CCDC85A: variants seen among roughly 807,000 people sequenced by gnomAD.
CCDC85A encodes the protein coiled-coil domain-containing protein 85A.
In CCDC85A, 38 loss-of-function variants were observed where a neutral mutation model predicts 50.2. The ratio of observed to expected loss-of-function variants is 0.76; its 90% CI spans 0.58 to 0.99. CCDC85A has a LOEUF of 0.99. Ranked by LOEUF, CCDC85A falls within the 50% of genes least tolerant of loss-of-function variation. CCDC85A has a pLI of 0.00. For missense variants in CCDC85A, 820 were observed against 742.0 expected (o/e 1.11, Z -1.22); for synonymous variants, 366 against 301.4 (o/e 1.21, Z -2.22).
chr2:56,305,744 C>G (rs1672414862), intron 2 of CCDC85A, among the ~76,000 whole-genome samples: 1 of 152,178 alleles, frequency 6.6e-6, no homozygotes, highest in Non-Finnish European at 1.5e-5. Context: ...GGTTTATATG[C>G]TTAAAATTCA....
chr2:56,312,779 A>C lies in CCDC85A; in HGVS notation c.1241-30100A>C, dbSNP rs558072411. 2.0e-4 allele frequency among the ~76,000 whole-genome samples: 30 copies of C among 152,254 alleles called. No homozygotes were observed. The South Asian group carries it at 5.6e-3, about 28-fold the overall frequency. On this transcript the variant is annotated intron_variant, in intron 2 of 5. Transcript: ENST00000407595. ...AGCACTTTCATTTTAACATTCGTTTATTTGGTAGTTATTCAGCACCTATTA... is the reference window on the plus strand; with the variant it reads ...AGCACTTTCATTTTAACATTCGTTTCTTTGGTAGTTATTCAGCACCTATTA...
At chr2:56,220,931 C>T (rs1489086775) in intron 2 of CCDC85A, among the ~76,000 whole-genome samples, 1 of 152,002 alleles carries the variant, frequency 6.6e-6, no homozygotes, top group Non-Finnish European at 1.5e-5. Context: ...CTTAAATGGT[C>T]TCTCCATTTG....
At chr2:56,208,574 T>C (rs968131134) in intron 2 of CCDC85A, among the ~76,000 whole-genome samples, 11 of 152,124 alleles carry the variant, frequency 7.2e-5, no homozygotes, top group Non-Finnish European at 1.2e-4. Context: ...GGATAATTTA[T>C]TGGGCACATG....
chr2:56,267,609 G>T (rs988727093), intron 2 of CCDC85A, among the ~76,000 whole-genome samples: 1 of 152,146 alleles, frequency 6.6e-6, no homozygotes, highest in African/African-American at 2.4e-5. Context: ...GAGCCCTGGA[G>T]GCTTTTGAGA....
intron 5 of CCDC85A, among the ~76,000 whole-genome samples, chr2:56,378,628 G>T (rs893864660): frequency 2.6e-5 from 4 of 152,160 alleles, no homozygotes; most frequent in African/African-American, 9.7e-5. Context: ...TAATAATAAT[G>T]GCTAGACGTT....
intron 2 of CCDC85A, among the ~76,000 whole-genome samples, chr2:56,275,471 C>A (rs1484153615): frequency 3.0e-5 from 2 of 66,718 alleles, no homozygotes; most frequent in African/African-American, 6.4e-5. Flanking sequence ...TATTTAACAT[C>A]ATATAGACCT....
At chr2:56,226,080 A>T (rs1668530010) in intron 2 of CCDC85A, among the ~76,000 whole-genome samples, 1 of 152,212 alleles carries the variant, frequency 6.6e-6, no homozygotes, top group Non-Finnish European at 1.5e-5. Context: ...GTATCATTGC[A>T]AGCTGCAATG....
intron 2 of CCDC85A, among the ~76,000 whole-genome samples, chr2:56,196,884 CA>C (rs11301097): frequency 0.55 from 72,288 of 131,060 alleles, 18,885 homozygotes; most frequent in East Asian, 0.65. Context: ...TCTTCGTCTT[CA>C]AAAAAAAAAA....
At chr2:56,351,347 A>G (rs1674924808) in intron 3 of CCDC85A, among the ~76,000 whole-genome samples, 2 of 150,360 alleles carry the variant, frequency 1.3e-5, no homozygotes, top group Admixed American at 1.3e-4. Flanking sequence ...CATGATTTAT[A>G]GTCCTTTGGG....
rs1258476704 is a variant in CCDC85A, at chr2:56,384,632, A to G, written c.*277A>G. 9.3e-6 allele frequency: 3 copies of G among 322,844 alleles called. No homozygotes were observed. The highest frequency in any genetic ancestry group is 4.2e-5 in the Admixed American group (1 of 23,722). The allele number at this position is 322,844 out of a possible 1,614,324, so 20.0% of individuals were successfully genotyped here. ...CTTTGAAAATCAACATTTTGGTACC[A>G]GTGTTTTCATTAGAAATAAGTGTTT... On this transcript the variant is annotated 3_prime_UTR_variant, in exon 6 of 6. Coordinates refer to ENST00000407595, the MANE Select transcript of CCDC85A (RefSeq NM_001080433.2).
At chr2:56,207,626 C>G (rs762650181) in intron 2 of CCDC85A, among the ~76,000 whole-genome samples, 1 of 152,102 alleles carries the variant, frequency 6.6e-6, no homozygotes, top group Non-Finnish European at 1.5e-5. Context: ...AGGCATAGGG[C>G]TTTTGTTTTT....
intron 2 of CCDC85A, among the ~76,000 whole-genome samples, chr2:56,341,436 G>C (rs1244690290): frequency 6.6e-6 from 1 of 152,166 alleles, no homozygotes; most frequent in Non-Finnish European, 1.5e-5. Flanking sequence ...CCTTGCTCAT[G>C]TTTGACTAGC....
chr2:56,341,017 G>T (rs1164193719), intron 2 of CCDC85A, among the ~76,000 whole-genome samples: 2 of 152,002 alleles, frequency 1.3e-5, no homozygotes, highest in East Asian at 3.9e-4. Context: ...ATACATTGGC[G>T]TACTTCTGGG....
chr2:56,257,632 T>G (rs1670038758), intron 2 of CCDC85A, among the ~76,000 whole-genome samples: 1 of 152,136 alleles, frequency 6.6e-6, no homozygotes, highest in Non-Finnish European at 1.5e-5. Context: ...TAAGGAATTT[T>G]GACACTCTTT....
At chr2:56,350,514 T>C (rs978037790) in intron 3 of CCDC85A, among the ~76,000 whole-genome samples, 2 of 152,188 alleles carry the variant, frequency 1.3e-5, no homozygotes, top group Non-Finnish European at 2.9e-5. Flanking sequence ...AAACATTGTA[T>C]AGTGTTAGAT....
At chr2:56,350,203 G>A (rs1674846349) in intron 3 of CCDC85A, among the ~76,000 whole-genome samples, 1 of 138,158 alleles carries the variant, frequency 7.2e-6, no homozygotes, top group Non-Finnish European at 1.5e-5. Flanking sequence ...GTCTCGCTCT[G>A]TCACCCAGGC....
At chr2:56,237,063 A>G (rs1669051872) in intron 2 of CCDC85A, among the ~76,000 whole-genome samples, 1 of 152,182 alleles carries the variant, frequency 6.6e-6, no homozygotes, top group Non-Finnish European at 1.5e-5. Flanking sequence ...TTGATGCGAA[A>G]GGGCATTTCT....
intron 2 of CCDC85A, among the ~76,000 whole-genome samples, chr2:56,280,653 C>T (rs1671165763): frequency 6.6e-6 from 1 of 152,108 alleles, no homozygotes; most frequent in African/African-American, 2.4e-5. Context: ...GAGTTAGGAT[C>T]CAGCTACTGA....
chr2:56,295,816 C>G (rs149525819), intron 2 of CCDC85A, among the ~76,000 whole-genome samples: 4 of 152,312 alleles, frequency 2.6e-5, no homozygotes, highest in Non-Finnish European at 4.4e-5. Context: ...CCTATCATAA[C>G]AGCTTCTGGC....
Sources: allele counts gnomAD v4.1 joint callset (sites outside exome capture counted in the v4.1 genomes callset), GRCh38; gene constraint gnomAD v4.1.1; transcripts MANE v1.5; gene names NCBI Gene and HGNC (gene_info 2026-07-23, HGNC 2026-07-21).